The following PHEX variants were observed in gnomAD, a reference collection of about 807,000 sequenced individuals.
PHEX encodes the protein phosphate regulating endopeptidase X-linked, also known as phosphate-regulating neutral endopeptidase PHEX.
Under a neutral mutation model 68.0 loss-of-function variants are expected in PHEX, and 16 were observed. The observed-to-expected ratio is 0.24, with a 90% CI of 0.16 to 0.36. The LOEUF is 0.36. PHEX is among the 10% of genes least tolerant of loss of function. PHEX has a pLI of 1.00. For synonymous variants in PHEX, 208 were observed against 205.1 expected (o/e 1.01, Z -0.12); for missense variants, 480 against 575.5 (o/e 0.83, Z 1.70).
At position 22,101,588 on chromosome X, in the gene PHEX, C is replaced by G. The variant is rs112596490; in HGVS notation, c.1079+2437C>G. Among the ~76,000 whole-genome samples, 335 of 111,783 alleles carry G rather than the reference C, an allele frequency of 3.0e-3. 2 individuals carry two copies. Among genetic ancestry groups the G allele is most frequent in the African/African-American group, 0.01 (313 of 30,745 alleles). ...GTGACTTAGGAAGCCAGACTCCTTTCATCTTATGGCTCTGCCCTCCCTTGG... is the reference window on the plus strand; with the variant it reads ...GTGACTTAGGAAGCCAGACTCCTTTGATCTTATGGCTCTGCCCTCCCTTGG... On this transcript the variant is annotated intron_variant, in intron 9 of 21. Transcript: ENST00000379374.
At chrX:22,197,173 A>T (rs183975135) in intron 15 of PHEX, among the ~76,000 whole-genome samples, 4 of 111,634 alleles carry the variant, frequency 3.6e-5, no homozygotes, top group African/African-American at 1.3e-4. Context: ...ACCTCATCCA[A>T]ATTTCTCACT....
intron 18 of PHEX, 122 bp downstream of exon 18, chrX:22,221,865 T>C: frequency 1.5e-6 from 1 of 667,565 alleles, no homozygotes; most frequent in Non-Finnish European, 2.4e-6. Flanking sequence ...TCTGTCTTCC[T>C]TGGGAACATT....
intron 15 of PHEX, among the ~76,000 whole-genome samples, chrX:22,209,940 T>TAAAA (rs200608326): frequency 1.1e-5 from 1 of 91,195 alleles, no homozygotes; most frequent in African/African-American, 4.4e-5. Flanking sequence ...GTTGAAATGG[T>TAAAA]AAAAAAAAAA....
intron 13 of PHEX, among the ~76,000 whole-genome samples, chrX:22,168,627 T>C (rs998766743): frequency 8.9e-6 from 1 of 111,924 alleles, no homozygotes; most frequent in Non-Finnish European, 1.9e-5. Flanking sequence ...AAAAAACAAA[T>C]GGACTTGGGT....
intron 20 of PHEX, among the ~76,000 whole-genome samples, chrX:22,238,946 T>G (rs1936083549): frequency 9.0e-6 from 1 of 111,459 alleles, no homozygotes; most frequent in African/African-American, 3.3e-5. Context: ...TACCTCCCAG[T>G]AAGGGCTGAC....
At chrX:22,137,430 T>C (rs1169668708) in intron 12 of PHEX, among the ~76,000 whole-genome samples, 1 of 111,104 alleles carries the variant, frequency 9.0e-6, no homozygotes, top group Non-Finnish European at 1.9e-5. Flanking sequence ...GGCTGAATGG[T>C]CCTAAATTTA....
chrX:22,144,748 T>TTA (rs1192336125), intron 12 of PHEX, among the ~76,000 whole-genome samples: 2 of 68,113 alleles, frequency 2.9e-5, no homozygotes, highest in Admixed American at 1.8e-4. Flanking sequence ...TTCTTTTTTT[T>TTA]GAAAAAAAAA....
At chrX:22,130,524 G>C (rs1468787876) in intron 11 of PHEX, among the ~76,000 whole-genome samples, 1 of 98,355 alleles carries the variant, frequency 1.0e-5, no homozygotes, top group Non-Finnish European at 2.0e-5. Flanking sequence ...ACTCCAGCCT[G>C]GGCGACACAG....
intron 16 of PHEX, among the ~76,000 whole-genome samples, chrX:22,213,195 A>G (rs1037625670): frequency 1.5e-4 from 17 of 112,250 alleles, no homozygotes; most frequent in Non-Finnish European, 5.6e-5. Context: ...TTATGCATTT[A>G]TTCTCTTACC....
intron 3 of PHEX, among the ~76,000 whole-genome samples, chrX:22,051,173 CAAG>C (rs1484800195): frequency 1.4e-4 from 16 of 112,166 alleles, no homozygotes; most frequent in African/African-American, 3.6e-4. Flanking sequence ...CTTCATATGT[CAAG>C]AAGGAGAGCA....
chrX:22,088,481 T>C (rs1929716098), intron 5 of PHEX, among the ~76,000 whole-genome samples: 1 of 110,657 alleles, frequency 9.0e-6, no homozygotes, highest in Non-Finnish European at 1.9e-5. Flanking sequence ...AGTTGTCAGA[T>C]TTTTTTTTCC....
rs1936509608 is a variant in PHEX, at chrX:22,249,481, T to C, written c.*1528T>C. Reference sequence around the variant, plus strand: ...ATATATATATATATATATATATATATATATATGTATATCTACCTAAGTGTG... The same window carrying C: ...ATATATATATATATATATATATATACATATATGTATATCTACCTAAGTGTG... On this transcript the variant is annotated 3_prime_UTR_variant, in exon 22 of 22. Transcript: ENST00000379374. 1 of 87,215 alleles carries C rather than the reference T, an allele frequency of 1.1e-5. No individual in the cohort carries two copies. Among genetic ancestry groups the C allele is most frequent in the Non-Finnish European group, 2.1e-5 (1 of 46,674 alleles). 7.2% of individuals were successfully genotyped at this position (87,215 alleles called of 1,213,427 possible).
chrX:22,140,049 G>A (rs751290879), intron 12 of PHEX, among the ~76,000 whole-genome samples: 1 of 111,341 alleles, frequency 9.0e-6, no homozygotes, highest in African/African-American at 3.3e-5. Context: ...GTGCTAAGGT[G>A]GAGCCTGGAT....
rs34735126 is a variant in PHEX, at chrX:22,118,199, G to GTTT, written c.1302+3623_1302+3625dup. Among the ~76,000 whole-genome samples the GTTT allele has an allele frequency of 4.4e-3, 447 of 101,308 alleles. 4 individuals carry two copies. The highest frequency in any genetic ancestry group is 0.015 in the African/African-American group (424 of 27,669). The allele number at this position is 101,308 out of a possible 115,157, so 88.0% of individuals were successfully genotyped here. A position where few individuals can be genotyped will look rare whatever the true frequency, so the allele number is the denominator to read the frequency against. On this transcript the variant is annotated intron_variant, in intron 11 of 21. Transcript: ENST00000379374. ...CAGATTCTCATTGCATTTTAACAAG[G>GTTT]TTTTTTTTTTTTAAGTTGTGTTTGG...
At chrX:22,075,174 TACTC>T (rs1345126489) in intron 3 of PHEX, among the ~76,000 whole-genome samples, 5 of 108,896 alleles carry the variant, frequency 4.6e-5, no homozygotes, top group Non-Finnish European at 7.6e-5. Flanking sequence ...TAATTGAAAA[TACTC>T]ACATCCAACC....
intron 15 of PHEX, among the ~76,000 whole-genome samples, chrX:22,205,678 ATATTAAAT>A (rs1389755518): frequency 2.1e-5 from 2 of 93,135 alleles, no homozygotes; most frequent in South Asian, 4.2e-4. Flanking sequence ...TACTTTATTA[ATATTAAAT>A]TATTATTATT....
At chrX:22,221,118 C>A (rs5904624) in intron 17 of PHEX, among the ~76,000 whole-genome samples, 3 of 110,657 alleles carry the variant, frequency 2.7e-5, no homozygotes, top group Non-Finnish European at 3.8e-5. Context: ...ATGTGTCTTT[C>A]AGCTCCTGGC....
chrX:22,202,103 C>T (rs1312474105), intron 15 of PHEX, among the ~76,000 whole-genome samples: 1 of 112,204 alleles, frequency 8.9e-6, no homozygotes, highest in Non-Finnish European at 1.9e-5. Context: ...TTGAATACCA[C>T]TGAGATGTAT....
intron 9 of PHEX, among the ~76,000 whole-genome samples, chrX:22,108,657 T>C (rs1230169587): frequency 8.9e-6 from 1 of 111,897 alleles, no homozygotes; most frequent in Non-Finnish European, 1.9e-5. Flanking sequence ...TTAAAAATAA[T>C]CTCAGCTGAT....
Sources: gnomAD v4.1 joint callset for allele counts (sites outside exome capture counted in the v4.1 genomes callset) on GRCh38, gnomAD v4.1.1 for gene constraint, MANE v1.5 for transcripts, NCBI Gene and HGNC (gene_info 2026-07-23, HGNC 2026-07-21) for gene names.